The following CACNA2D2 variants were observed in gnomAD, a reference collection of about 807,000 sequenced individuals.
CACNA2D2 encodes the protein voltage-dependent calcium channel subunit alpha-2/delta-2.
In CACNA2D2, 48 loss-of-function variants were observed where a neutral mutation model predicts 166.4. That is an observed-to-expected ratio of 0.29 (90% CI 0.23 to 0.37). The LOEUF (loss-of-function observed/expected upper bound fraction) is 0.37. Among genes scored for constraint, CACNA2D2 ranks in the 10% least tolerant of loss-of-function variants. The pLI, the probability that CACNA2D2 is intolerant of heterozygous loss-of-function variation, is 1.00. For missense variants in CACNA2D2, 1,122 were observed against 1,433.0 expected (o/e 0.78, Z 3.50); for synonymous variants, 561 against 573.7 (o/e 0.98, Z 0.32).
At chr3:50,451,063 C>T (rs890218592) in intron 2 of CACNA2D2, among the ~76,000 whole-genome samples, 4 of 152,208 alleles carry the variant, frequency 2.6e-5, no homozygotes, top group African/African-American at 7.2e-5. Context: ...CCCAATGGCC[C>T]TTAGTGCCCC....
intron 3 of CACNA2D2, among the ~76,000 whole-genome samples, chr3:50,397,854 AG>A (rs1706235412): frequency 6.6e-6 from 1 of 152,186 alleles, no homozygotes; most frequent in East Asian, 1.9e-4. Context: ...TCCGCCAAGG[AG>A]GACATGTCCT....
intron 1 of CACNA2D2, among the ~76,000 whole-genome samples, chr3:50,481,623 G>T (rs1443130686): frequency 6.6e-6 from 1 of 152,182 alleles, no homozygotes; most frequent in Non-Finnish European, 1.5e-5. Flanking sequence ...ACTTGGCAAT[G>T]GCGGGGCCCC....
rs191370304 is a variant in CACNA2D2, at chr3:50,376,248, C to G, written c.1627-60G>C. 1 of 1,565,038 alleles carries G rather than the reference C, an allele frequency of 6.4e-7. No individual in the cohort carries two copies. Among genetic ancestry groups the G allele is most frequent in the East Asian group, 2.3e-5 (1 of 44,314 alleles). On this transcript the variant is annotated intron_variant, in intron 17 of 37. Coordinates refer to ENST00000424201, the MANE Select transcript of CACNA2D2 (RefSeq NM_006030.4). The surrounding 1 kb of genome is among the most constrained non-coding windows in gnomAD (Gnocchi z 4.3). ...GGATGGGCTGGGGTTCCCTGGGCTC[C>G]GGAGTTCTTCCCTATTTGGCCTCCC...
intron 1 of CACNA2D2, among the ~76,000 whole-genome samples, chr3:50,486,302 G>GC (rs1559997269): frequency 6.6e-6 from 1 of 152,152 alleles, no homozygotes; most frequent in Non-Finnish European, 1.5e-5. Flanking sequence ...AGCTGAAGCT[G>GC]GACTAGAGGT....
At chr3:50,435,824 G>A (rs1559945908) in intron 2 of CACNA2D2, among the ~76,000 whole-genome samples, 1 of 152,162 alleles carries the variant, frequency 6.6e-6, no homozygotes, top group Non-Finnish European at 1.5e-5. Flanking sequence ...ATAATTTGTG[G>A]TGAAGTCGCT....
chr3:50,375,763 A>AAGGGTGCCC lies in CACNA2D2; in HGVS notation c.1845+37_1845+45dup. 6.2e-7 allele frequency: 1 copy of AAGGGTGCCC among 1,612,528 alleles called. No homozygotes were observed. The highest frequency in any genetic ancestry group is 2.2e-5 in the East Asian group (1 of 44,878). On this transcript the variant is annotated intron_variant, in intron 20 of 37. Transcript: ENST00000424201. This position sits in a 1 kb window ranked among gnomAD's most constrained non-coding sequence, Gnocchi z 4.0. Reference sequence around the variant, plus strand: ...TAGCAGGCAGGGGGCGCTGGGGTAGAAGGGTGCCCACCCTGACTCCCTGGC... The same window carrying AAGGGTGCCC: ...TAGCAGGCAGGGGGCGCTGGGGTAGAAGGGTGCCCAGGGTGCCCACCCTGACTCCCTGGC...
chr3:50,470,775 C>T (rs1008566445), intron 2 of CACNA2D2, among the ~76,000 whole-genome samples: 6 of 150,890 alleles, frequency 4.0e-5, no homozygotes, highest in South Asian at 2.1e-4. Context: ...GAGAGCAGGC[C>T]GGGTTGGGGG....
intron 3 of CACNA2D2, among the ~76,000 whole-genome samples, chr3:50,423,589 T>G (rs1707671550): frequency 6.6e-6 from 1 of 152,264 alleles, no homozygotes; most frequent in Non-Finnish European, 1.5e-5. Context: ...AGGGAGGGGC[T>G]GGACCCTAGG....
At position 50,365,919 on chromosome 3, in the gene CACNA2D2, C is replaced by A; in HGVS notation, c.2863-57G>T. ...TGCTGCCCCTCGCCCTAGGTCACCC[C>A]CAGCTTTATCAAATGTCAGAGGTAG... On this transcript the variant is annotated intron_variant, in intron 32 of 37. Coordinates refer to ENST00000424201, the MANE Select transcript of CACNA2D2 (RefSeq NM_006030.4). This position sits in a 1 kb window ranked among gnomAD's most constrained non-coding sequence, Gnocchi z 4.5. 1 of 1,612,360 alleles carries A rather than the reference C, an allele frequency of 6.2e-7. No homozygotes were observed. Among genetic ancestry groups the A allele is most frequent in the Non-Finnish European group, 8.5e-7 (1 of 1,179,630 alleles).
intron 4 of CACNA2D2, among the ~76,000 whole-genome samples, chr3:50,391,515 C>T (rs920727379): frequency 6.6e-6 from 1 of 152,220 alleles, no homozygotes; most frequent in Non-Finnish European, 1.5e-5. Flanking sequence ...GAGGCACTGC[C>T]TGCTAATCAG....
At chr3:50,453,992 C>T (rs1709229118) in intron 2 of CACNA2D2, among the ~76,000 whole-genome samples, 1 of 152,016 alleles carries the variant, frequency 6.6e-6, no homozygotes, top group African/African-American at 2.4e-5. Flanking sequence ...AGCCCCATCT[C>T]CCCCTCCACA....
At chr3:50,461,612 T>C (rs1344645931) in intron 2 of CACNA2D2, among the ~76,000 whole-genome samples, 2 of 151,628 alleles carry the variant, frequency 1.3e-5, no homozygotes, top group Admixed American at 6.6e-5. Flanking sequence ...AATACAAAAA[T>C]GAGCTGGGCG....
At chr3:50,489,100 T>C (rs1399223172) in intron 1 of CACNA2D2, among the ~76,000 whole-genome samples, 2 of 152,218 alleles carry the variant, frequency 1.3e-5, no homozygotes, top group Non-Finnish European at 2.9e-5. Context: ...GCTGAATGAC[T>C]GGATGTTCCA....
chr3:50,403,718 T>C (rs1438618467), intron 3 of CACNA2D2, among the ~76,000 whole-genome samples: 2 of 152,236 alleles, frequency 1.3e-5, no homozygotes, highest in African/African-American at 4.8e-5. Flanking sequence ...ATCTCTCTTC[T>C]ACCACACTGA....
chr3:50,374,891 G>A, intron 21 of CACNA2D2, 78 bp from the exon 22 acceptor site: 1 of 1,184,122 alleles, frequency 8.4e-7, no homozygotes. Context: ...CCTTGGAGCT[G>A]GGCAGAGGCC....
chr3:50,440,963 A>G (rs1315005338), intron 2 of CACNA2D2, among the ~76,000 whole-genome samples: 17 of 152,110 alleles, frequency 1.1e-4, no homozygotes, highest in Non-Finnish European at 2.9e-5. Context: ...GTGGGTGGAC[A>G]GGGACGAGGG....
intron 3 of CACNA2D2, among the ~76,000 whole-genome samples, chr3:50,404,990 T>C (rs1706631802): frequency 6.6e-6 from 1 of 152,196 alleles, no homozygotes. Context: ...CAAGAGAGCC[T>C]GAGTCCCAGC....
At chr3:50,391,873 T>A (rs1235126181) in intron 4 of CACNA2D2, among the ~76,000 whole-genome samples, 1 of 152,144 alleles carries the variant, frequency 6.6e-6, no homozygotes, top group Non-Finnish European at 1.5e-5. Flanking sequence ...ATCCTCCCCA[T>A]CTCAGAGGTA....
chr3:50,366,630 T>C lies in CACNA2D2; in HGVS notation c.2590-5A>G. ...ACAGTGGCTGTTGGGGCCGCACTGC[T>C]GGGCAGAGAGTGAGGACCGTAAGCC... On this transcript the variant is annotated splice_polypyrimidine_tract_variant and splice_region_variant and intron_variant, in intron 29 of 37. Coordinates refer to ENST00000424201, the MANE Select transcript of CACNA2D2 (RefSeq NM_006030.4). The surrounding 1 kb of genome is among the most constrained non-coding windows in gnomAD (Gnocchi z 5.9). The C allele has an allele frequency of 6.2e-7, 1 of 1,613,876 alleles. No homozygotes were observed. Among genetic ancestry groups the C allele is most frequent in the South Asian group, 1.1e-5 (1 of 91,084 alleles).
Sources: allele counts gnomAD v4.1 joint callset (sites outside exome capture counted in the v4.1 genomes callset), GRCh38; gene constraint gnomAD v4.1.1; non-coding constraint Gnocchi (gnomAD v3.1); transcripts MANE v1.5; gene names NCBI Gene and HGNC (gene_info 2026-07-23, HGNC 2026-07-21).